ADGRL2: variants seen among roughly 807,000 people sequenced by gnomAD.
The protein encoded by ADGRL2 is calcium-independent alpha-latrotoxin receptor 2.
Under a neutral mutation model 157.4 loss-of-function variants are expected in ADGRL2, and 44 were observed. The ratio of observed to expected loss-of-function variants is 0.28; its 90% CI spans 0.22 to 0.36. The LOEUF is 0.36. Among genes scored for constraint, ADGRL2 ranks in the 10% least tolerant of loss-of-function variants. ADGRL2 has a pLI of 1.00. For synonymous variants in ADGRL2, 585 were observed against 624.7 expected, an observed-to-expected ratio of 0.94 and a Z score of 0.95; for missense variants, 1,510 against 1,768.9, an observed-to-expected ratio of 0.85 and a Z score of 2.63.
intron 2 of ADGRL2, among the ~76,000 whole-genome samples, chr1:81,473,901 C>T (rs1459187850): frequency 6.6e-6 from 1 of 152,190 alleles, no homozygotes; most frequent in Admixed American, 6.5e-5. Flanking sequence ...TGGTTGCAAA[C>T]ACTCTTGGGA....
At chr1:81,487,108 A>AAAAAAAAAAT (rs537612028) in intron 2 of ADGRL2, among the ~76,000 whole-genome samples, 4 of 135,512 alleles carry the variant, frequency 3.0e-5, no homozygotes, top group East Asian at 2.3e-4. Flanking sequence ...AAAAAAAAAA[A>AAAAAAAAAAT]AGAAAGTAAA....
chr1:81,506,727 C>CAAAAT (rs1397242063), intron 2 of ADGRL2, among the ~76,000 whole-genome samples: 4 of 149,696 alleles, frequency 2.7e-5, no homozygotes, highest in Non-Finnish European at 5.9e-5. Flanking sequence ...CAAAACAAAA[C>CAAAAT]AAAACAAAAC....
intron 2 of ADGRL2, among the ~76,000 whole-genome samples, chr1:81,467,153 C>A (rs1273850091): frequency 3.3e-5 from 5 of 152,106 alleles, no homozygotes; most frequent in Non-Finnish European, 7.3e-5. Context: ...GGCTACGATA[C>A]TTTATGGCCC....
At chr1:81,989,994 T>G (rs1051161573) in intron 23 of ADGRL2, 1 of 984,540 alleles carries the variant, frequency 1.0e-6, no homozygotes, top group Non-Finnish European at 1.2e-6. Flanking sequence ...TCTGTTAATT[T>G]TATTTTTATA....
At chr1:81,645,396 C>CAAAAA (rs374061248) in intron 3 of ADGRL2, among the ~76,000 whole-genome samples, 3 of 94,828 alleles carry the variant, frequency 3.2e-5, no homozygotes, top group Non-Finnish European at 5.8e-5. Flanking sequence ...GATCCTGTCT[C>CAAAAA]AAAAAAAAAA....
At chr1:81,657,008 TCA>T (rs2082548846) in intron 3 of ADGRL2, among the ~76,000 whole-genome samples, 1 of 48,012 alleles carries the variant, frequency 2.1e-5, no homozygotes, top group African/African-American at 8.3e-5. Context: ...AGACCCTGTC[TCA>T]AAAAAAAAAA....
intron 2 of ADGRL2, among the ~76,000 whole-genome samples, chr1:81,561,659 C>G (rs2080445592): frequency 6.6e-6 from 1 of 152,072 alleles, no homozygotes; most frequent in South Asian, 2.1e-4. Flanking sequence ...AGGGTTTCAC[C>G]ATGTTGGCCA....
chr1:81,750,252 A>G (rs1327110810), intron 1 of ADGRL2, among the ~76,000 whole-genome samples: 1 of 152,180 alleles, frequency 6.6e-6, no homozygotes, highest in Non-Finnish European at 1.5e-5. Context: ...TCAGTAGCCT[A>G]AACAGTGTCA....
chr1:81,703,021 T>G (rs1313620769), intron 1 of ADGRL2, among the ~76,000 whole-genome samples: 4 of 152,102 alleles, frequency 2.6e-5, no homozygotes, highest in African/African-American at 9.7e-5. Context: ...CACAACACAC[T>G]GGGGTAGTTC....
chr1:81,962,769 C>T (rs1467449196), intron 11 of ADGRL2, among the ~76,000 whole-genome samples: 1 of 152,120 alleles, frequency 6.6e-6, no homozygotes, highest in Non-Finnish European at 1.5e-5. Context: ...TAATCCATTT[C>T]TCCCCCTAAT....
intron 1 of ADGRL2, among the ~76,000 whole-genome samples, chr1:81,811,255 T>G (rs1464646627): frequency 6.6e-6 from 1 of 151,884 alleles, no homozygotes; most frequent in Non-Finnish European, 1.5e-5. Context: ...TCTGTATGTT[T>G]TAGCATATCT....
intron 2 of ADGRL2, among the ~76,000 whole-genome samples, chr1:81,789,701 C>CAAAAAAAAAA (rs34269882): frequency 1.1e-5 from 1 of 88,504 alleles, no homozygotes; most frequent in Non-Finnish European, 2.3e-5. Flanking sequence ...GTCTCCGTCT[C>CAAAAAAAAAA]AAAAAAAAAA....
intron 1 of ADGRL2, among the ~76,000 whole-genome samples, chr1:81,433,412 C>T (rs566002552): frequency 1.5e-3 from 225 of 152,206 alleles, no homozygotes; most frequent in African/African-American, 4.8e-3. Context: ...TTTGAGAAAG[C>T]GATTATATTC....
intron 2 of ADGRL2, among the ~76,000 whole-genome samples, chr1:81,574,901 T>C (rs776391052): frequency 1.3e-5 from 2 of 152,228 alleles, no homozygotes; most frequent in Non-Finnish European, 2.9e-5. Context: ...CATTACCAGA[T>C]ACCTTAGAAT....
At chr1:81,860,856 A>G (rs1003669999) in intron 2 of ADGRL2, among the ~76,000 whole-genome samples, 2 of 152,046 alleles carry the variant, frequency 1.3e-5, no homozygotes, top group Non-Finnish European at 2.9e-5. Context: ...TTTTCTTTTT[A>G]TTCTTTATTG....
At chr1:81,909,591 T>C (rs928960953) in intron 3 of ADGRL2, among the ~76,000 whole-genome samples, 7 of 152,200 alleles carry the variant, frequency 4.6e-5, no homozygotes, top group Non-Finnish European at 8.8e-5. Flanking sequence ...ATGACAGATG[T>C]GTTAAGCCAA....
chr1:81,955,732 A>G (rs1418723046), intron 10 of ADGRL2, 145 bp from the exon 11 acceptor site: 3 of 532,752 alleles, frequency 5.6e-6, no homozygotes, highest in Non-Finnish European at 1.0e-5. Flanking sequence ...TGGACCAGAT[A>G]TATGTTGTCT....
chr1:81,813,869 G>A (rs574866813), intron 1 of ADGRL2, among the ~76,000 whole-genome samples: 1 of 151,600 alleles, frequency 6.6e-6, no homozygotes, highest in East Asian at 1.9e-4. Context: ...TTCATTCCAG[G>A]AAAATGGTTA....
At chr1:81,936,617 GT>G in intron 3 of ADGRL2, 110 bp from the exon 4 acceptor site, 2 of 547,272 alleles carry the variant, frequency 3.7e-6, no homozygotes, top group East Asian at 5.8e-5. Flanking sequence ...TTGAATTTTT[GT>G]TTTATGTTTC....
Sources: gnomAD v4.1 joint callset for allele counts (sites outside exome capture counted in the v4.1 genomes callset) on GRCh38, gnomAD v4.1.1 for gene constraint, MANE v1.5 for transcripts, NCBI Gene and HGNC (gene_info 2026-07-23, HGNC 2026-07-21) for gene names.